TMEM164: variants seen among roughly 807,000 people sequenced by gnomAD.
TMEM164 encodes transmembrane protein 164, also known as RP13-360B22.2.
In TMEM164, 4 loss-of-function variants were observed where a neutral mutation model predicts 18.8. The ratio of observed to expected loss-of-function variants is 0.21; its 90% confidence interval spans 0.10 to 0.49. The LOEUF (loss-of-function observed/expected upper bound fraction) is 0.49. Among genes scored for constraint, TMEM164 ranks in the 20% least tolerant of loss-of-function variants. The probability of loss-of-function intolerance (pLI) is 0.98; values close to 1 mark genes in which losing one functional copy is unlikely to be tolerated. For synonymous variants in TMEM164, 86 were observed against 101.7 expected (o/e 0.85, Z 0.93); for missense variants, 108 against 239.9 (o/e 0.45, Z 3.63).
At chrX:110,048,042 A>G (rs1323311897) in intron 2 of TMEM164, among the ~76,000 whole-genome samples, 4 of 111,546 alleles carry the variant, frequency 3.6e-5, no homozygotes, top group Non-Finnish European at 5.7e-5. Context: ...GTGTGAGCTG[A>G]CCTTTCTGCT....
intron 6 of TMEM164, among the ~76,000 whole-genome samples, chrX:110,171,980 G>C (rs186739462): frequency 8.9e-5 from 10 of 112,370 alleles, no homozygotes; most frequent in Admixed American, 7.5e-4. Flanking sequence ...GTGGCATTCT[G>C]GGGTGTTTAG....
intron 4 of TMEM164, among the ~76,000 whole-genome samples, chrX:110,144,454 G>A (rs1383940948): frequency 9.0e-6 from 1 of 111,452 alleles, no homozygotes; most frequent in African/African-American, 3.3e-5. Flanking sequence ...CATGTTTTTT[G>A]TCTGTAGGGG....
downstream of TMEM164, among the ~76,000 whole-genome samples, chrX:110,181,459 C>T (rs1478067149): frequency 2.7e-5 from 3 of 112,229 alleles, no homozygotes; most frequent in Non-Finnish European, 5.6e-5. Flanking sequence ...TTTTCCCTGG[C>T]TTCACCCAGA....
chrX:110,070,086 C>T (rs376013938), intron 3 of TMEM164, among the ~76,000 whole-genome samples: 161 of 110,839 alleles, frequency 1.5e-3, no homozygotes, highest in South Asian at 7.2e-3. Flanking sequence ...GAGGCTGAGG[C>T]GGGTGGATCA....
At chrX:110,168,274 A>G (rs1257861119) in intron 5 of TMEM164, among the ~76,000 whole-genome samples, 2 of 113,272 alleles carry the variant, frequency 1.8e-5, no homozygotes, top group Non-Finnish European at 3.7e-5. Context: ...GCATGCCTTA[A>G]GGGCATAGCT....
At chrX:110,063,837 A>T (rs1315412721) in intron 2 of TMEM164, among the ~76,000 whole-genome samples, 1 of 111,322 alleles carries the variant, frequency 9.0e-6, no homozygotes, top group Non-Finnish European at 1.9e-5. Context: ...TGTAGAGAGT[A>T]GATCTTATGA....
In TMEM164 at chrX:110,003,642, G is replaced by C. The variant is rs1932485957; in HGVS notation, c.-133G>C. 2.7e-6 allele frequency: 2 copies of C among 747,831 alleles called. No homozygotes were observed. The highest frequency in any genetic ancestry group is 3.8e-6 in the Non-Finnish European group (2 of 520,786). 61.6% of individuals were successfully genotyped at this position (747,831 alleles called of 1,213,427 possible). ...GTGTAGCTTCCCCTCCCCTACTCTC[G>C]GTGCCCTGGTGTCTGGAGGGGGGTT... On this transcript the variant is annotated 5_prime_UTR_variant, in exon 2 of 7. Coordinates refer to ENST00000372068, the MANE Select transcript of TMEM164 (RefSeq NM_032227.4).
chrX:110,107,789 A>T (rs1454325875), intron 3 of TMEM164, among the ~76,000 whole-genome samples: 2 of 108,940 alleles, frequency 1.8e-5, no homozygotes, highest in Admixed American at 9.9e-5. Context: ...CCTCCCGAGT[A>T]GCCGAGGTTA....
intron 2 of TMEM164, among the ~76,000 whole-genome samples, chrX:110,052,744 TG>T (rs1158333051): frequency 1.2e-5 from 1 of 85,721 alleles, no homozygotes; most frequent in East Asian, 3.1e-4. Context: ...TACATGCATC[TG>T]TTTTTTTTTT....
chrX:110,170,353 A>G (rs2067214501), intron 5 of TMEM164, among the ~76,000 whole-genome samples: 1 of 113,132 alleles, frequency 8.8e-6, no homozygotes, highest in Non-Finnish European at 1.9e-5. Context: ...CTGCAGTTGC[A>G]GGGAACCTGC....
rs866220745 is a variant in TMEM164, at chrX:110,111,011, C to T, written c.507+1865C>T. 1.1e-4 allele frequency among the ~76,000 whole-genome samples: 12 copies of T among 112,169 alleles called. No individual in the cohort carries two copies. In the South Asian group the frequency reaches 1.1e-3, roughly 10 times the overall value. On this transcript the variant is annotated intron_variant, in intron 4 of 6. Transcript: ENST00000372068. ...CTTACAGATAAAGCATTTGAGCTCTCGATGGAGGGGAACATCTGTGTTGGG... is the reference window on the plus strand; with the variant it reads ...CTTACAGATAAAGCATTTGAGCTCTTGATGGAGGGGAACATCTGTGTTGGG...
At position 110,177,666 on chromosome X, in the gene TMEM164, C is replaced by A. The variant is rs767146667; in HGVS notation, c.*4215C>A. The stretch of plus-strand genomic sequence containing the variant: ...AATGGTCATTAATTTGTGTACTTAG[C>A]ATTCTGAATTTTAGTCTCAGGTGTT... On this transcript the variant is annotated 3_prime_UTR_variant, in exon 7 of 7. Transcript: ENST00000372068. 7.1e-4 allele frequency: 80 copies of A among 112,748 alleles called. No homozygotes were observed. The highest frequency in any genetic ancestry group is 2.5e-3 in the African/African-American group (79 of 31,037). The allele number at this position is 112,748 out of a possible 1,213,427, so 9.3% of individuals were successfully genotyped here. A position where few individuals can be genotyped will look rare whatever the true frequency, so the allele number is the denominator to read the frequency against.
chrX:110,046,137 G>C (rs1441233110), intron 2 of TMEM164: 2 of 752,687 alleles, frequency 2.7e-6, no homozygotes, highest in East Asian at 3.0e-4. Flanking sequence ...AGGTATTACG[G>C]GGAACAGTGG....
chrX:110,071,545 G>A (rs963934250), intron 3 of TMEM164, among the ~76,000 whole-genome samples: 1 of 107,858 alleles, frequency 9.3e-6, no homozygotes, highest in South Asian at 4.1e-4. Flanking sequence ...CAATATTCCC[G>A]AGATTAGAGT....
Position 110,003,485 on chromosome X carries a change from C to G in TMEM164, c.-274-16C>G. On this transcript the variant is annotated splice_polypyrimidine_tract_variant and intron_variant, in intron 1 of 6. Coordinates refer to ENST00000372068, the MANE Select transcript of TMEM164 (RefSeq NM_032227.4). Reference sequence around the variant, plus strand: ...TTGAGACCTCTTTTTTTTTTTTTTCCTCTCCTTCCTTTTAGATTGGCCAAC... The same window carrying G: ...TTGAGACCTCTTTTTTTTTTTTTTCGTCTCCTTCCTTTTAGATTGGCCAAC... 1.3e-5 allele frequency: 3 copies of G among 226,322 alleles called. No individual in the cohort carries two copies. Among genetic ancestry groups the G allele is most frequent in the Non-Finnish European group, 2.3e-5 (3 of 129,484 alleles). The allele number at this position is 226,322 out of a possible 1,213,427, so 18.7% of individuals were successfully genotyped here.
intron 3 of TMEM164, 65 bp from the exon 4 acceptor site, chrX:110,109,015 G>A (rs2066253253): frequency 9.2e-7 from 1 of 1,087,089 alleles, no homozygotes; most frequent in African/African-American, 1.8e-5. Context: ...AACCTGATGT[G>A]TCTTTTTTCT....
intron 2 of TMEM164, among the ~76,000 whole-genome samples, chrX:110,065,780 C>G (rs1041884347): frequency 9.0e-6 from 1 of 111,348 alleles, no homozygotes; most frequent in Non-Finnish European, 1.9e-5. Context: ...GGCAGTACCC[C>G]GCAATTAAAT....
intron 2 of TMEM164, among the ~76,000 whole-genome samples, chrX:110,012,018 A>G (rs377248589): frequency 1.4e-4 from 16 of 111,999 alleles, no homozygotes; most frequent in East Asian, 1.1e-3. Context: ...AGGGGATGAG[A>G]TAGAAAATTG....
chrX:110,055,541 A>G (rs754314538), intron 2 of TMEM164: 2 of 133,628 alleles, frequency 1.5e-5, no homozygotes, highest in African/African-American at 6.5e-5. Context: ...TGCTGTGACC[A>G]GGAAAGGAAG....
Sources: allele counts gnomAD v4.1 joint callset (sites outside exome capture counted in the v4.1 genomes callset), GRCh38; gene constraint gnomAD v4.1.1; transcripts MANE v1.5; gene names NCBI Gene and HGNC (gene_info 2026-07-23, HGNC 2026-07-21).